Variants in CSMD2 observed in about 807,000 individuals in gnomAD.
CSMD2 encodes the protein CUB and Sushi multiple domains 2.
CSMD2 carries 130 observed loss-of-function variants against 398.5 expected under a neutral mutation model. That is an observed-to-expected ratio of 0.33 (90% CI 0.28 to 0.38). The LOEUF (loss-of-function observed/expected upper bound fraction) is 0.38. Among genes scored for constraint, CSMD2 ranks in the 10% least tolerant of loss-of-function variants. The probability of loss-of-function intolerance (pLI) is 1.00; values close to 1 mark genes in which losing one functional copy is unlikely to be tolerated. For missense variants in CSMD2, 3,829 were observed against 4,764.9 expected, an observed-to-expected ratio of 0.80 and a Z score of 5.78; for synonymous variants, 1,828 against 1,908.5, an observed-to-expected ratio of 0.96 and a Z score of 1.10.
upstream of CSMD2, chr1:34,165,249 G>A: frequency 1.7e-6 from 2 of 1,182,236 alleles, no homozygotes; most frequent in Non-Finnish European, 2.1e-6. Context: ...TGTCCGCCCG[G>A]CCGGGGAGAG....
chr1:33,541,058 G>A, intron 59 of CSMD2, 72 bp downstream of exon 59: 1 of 1,479,996 alleles, frequency 6.8e-7, no homozygotes, highest in Non-Finnish European at 9.3e-7. Flanking sequence ...CTTCTAGAGA[G>A]ATGCTCAGGG....
intron 1 of CSMD2, among the ~76,000 whole-genome samples, chr1:34,129,014 CA>C (rs1663050462): frequency 2.9e-5 from 4 of 138,470 alleles, no homozygotes; most frequent in Non-Finnish European, 4.8e-5. Context: ...CCCCCCCCCA[CA>C]CACACACACA....
rs1641617566 is a variant in CSMD2, at chr1:33,619,446, G to A, written c.5828-1829C>T. Among the ~76,000 whole-genome samples, 9 of 152,208 alleles carry A rather than the reference G, an allele frequency of 5.9e-5. No individual in the cohort carries two copies. The South Asian group carries it at 1.9e-3, about 31-fold the overall frequency. Reference sequence around the variant, plus strand: ...ATCAGCCACCAACCCATCTTCCCAGGCAGCAGCTAATGAGTCCTCATGCCA... The same window carrying A: ...ATCAGCCACCAACCCATCTTCCCAGACAGCAGCTAATGAGTCCTCATGCCA... On this transcript the variant is annotated intron_variant, in intron 37 of 70. Transcript: ENST00000373381.
intron 56 of CSMD2, among the ~76,000 whole-genome samples, chr1:33,546,740 T>C (rs75026632): frequency 6.6e-6 from 1 of 151,966 alleles, no homozygotes; most frequent in Non-Finnish European, 1.5e-5. Flanking sequence ...TTTTTTTTTT[T>C]CAAAAAATTT....
chr1:33,537,417 G>A lies in CSMD2; in HGVS notation c.9805+19C>T, dbSNP rs1196128618. 4 of 1,597,092 alleles carry A rather than the reference G, an allele frequency of 2.5e-6. No individual in the cohort carries two copies. The highest frequency in any genetic ancestry group is 3.4e-6 in the Non-Finnish European group (4 of 1,170,428). On this transcript the variant is annotated intron_variant, in intron 61 of 70. Coordinates refer to ENST00000373381, the MANE Select transcript of CSMD2 (RefSeq NM_001281956.2). This position sits in a 1 kb window ranked among gnomAD's most constrained non-coding sequence, Gnocchi z 4.6. Reference sequence around the variant, plus strand: ...CGCAACCCCAGCCAAGACGCTCCCTGCTCCAGATGACCTCTCACCTATGCA... The same window carrying A: ...CGCAACCCCAGCCAAGACGCTCCCTACTCCAGATGACCTCTCACCTATGCA...
At chr1:34,128,044 G>C (rs915251050) in intron 1 of CSMD2, among the ~76,000 whole-genome samples, 1 of 152,110 alleles carries the variant, frequency 6.6e-6, no homozygotes, top group Non-Finnish European at 1.5e-5. Context: ...TTCCTTGTGG[G>C]AAGTGGCCTC....
At chr1:33,941,921 G>A (rs1435998079) in intron 3 of CSMD2, among the ~76,000 whole-genome samples, 1 of 151,666 alleles carries the variant, frequency 6.6e-6, no homozygotes, top group Non-Finnish European at 1.5e-5. Flanking sequence ...ATGTATTTTT[G>A]CTTGATACAT....
At chr1:33,931,674 C>T (rs1406289326) in intron 4 of CSMD2, among the ~76,000 whole-genome samples, 1 of 152,156 alleles carries the variant, frequency 6.6e-6, no homozygotes, top group Admixed American at 6.5e-5. Context: ...TCTGGTGTGG[C>T]TAAAGTGGAA....
intron 42 of CSMD2, among the ~76,000 whole-genome samples, 191 bp downstream of exon 42, chr1:33,605,091 G>A (rs542165214): frequency 3.3e-5 from 5 of 152,176 alleles, no homozygotes; most frequent in African/African-American, 1.2e-4. Flanking sequence ...GTGCTGGCCC[G>A]GAGCCCTGTC....
intron 2 of CSMD2, among the ~76,000 whole-genome samples, chr1:34,074,113 C>T (rs1656049235): frequency 6.6e-6 from 1 of 152,232 alleles, no homozygotes; most frequent in Non-Finnish European, 1.5e-5. Context: ...GATCCAATTA[C>T]TACCCACCAG....
intron 5 of CSMD2, among the ~76,000 whole-genome samples, chr1:33,912,603 G>T (rs1210277286): frequency 1.3e-5 from 2 of 152,072 alleles, no homozygotes; most frequent in African/African-American, 4.8e-5. Context: ...TCCAGAGAGA[G>T]CGAGGGGGCA....
chr1:33,620,355 G>A (rs1471425507), intron 37 of CSMD2, among the ~76,000 whole-genome samples: 1 of 152,108 alleles, frequency 6.6e-6, no homozygotes, highest in Non-Finnish European at 1.5e-5. Context: ...TATAACTACA[G>A]GGCCCTGGCT....
intron 1 of CSMD2, among the ~76,000 whole-genome samples, chr1:34,097,345 G>A (rs1188282486): frequency 7.3e-6 from 1 of 137,832 alleles, no homozygotes; most frequent in Non-Finnish European, 1.6e-5. Context: ...TCAGGACATA[G>A]GCATGGGCAA....
At chr1:34,086,877 G>C (rs867687229) in intron 2 of CSMD2, among the ~76,000 whole-genome samples, 1 of 152,024 alleles carries the variant, frequency 6.6e-6, no homozygotes, top group Non-Finnish European at 1.5e-5. Context: ...ACCACCTTCT[G>C]CCACCTCCCA....
intron 3 of CSMD2, among the ~76,000 whole-genome samples, chr1:33,957,515 A>G (rs1645206924): frequency 6.6e-6 from 1 of 152,184 alleles, no homozygotes; most frequent in Admixed American, 6.5e-5. Context: ...GTGTCATCAA[A>G]GGAGCTGGAA....
intron 2 of CSMD2, among the ~76,000 whole-genome samples, chr1:34,078,970 C>T (rs1408363584): frequency 6.6e-6 from 1 of 152,208 alleles, no homozygotes; most frequent in Non-Finnish European, 1.5e-5. Context: ...GCATCATACA[C>T]ATCCATGCCA....
intron 1 of CSMD2, among the ~76,000 whole-genome samples, chr1:34,148,034 G>A (rs907509957): frequency 6.6e-5 from 10 of 152,042 alleles, no homozygotes; most frequent in Admixed American, 6.5e-5. Context: ...CACAAGGGCT[G>A]GAGCAAGAGT....
intron 5 of CSMD2, among the ~76,000 whole-genome samples, chr1:33,857,424 C>A (rs1639177705): frequency 6.6e-6 from 1 of 152,062 alleles, no homozygotes; most frequent in African/African-American, 2.4e-5. Context: ...TGTAGCTAAA[C>A]CATAGGAAGA....
chr1:33,797,348 G>C (rs576937664), intron 10 of CSMD2, among the ~76,000 whole-genome samples: 1 of 152,148 alleles, frequency 6.6e-6, no homozygotes, highest in Non-Finnish European at 1.5e-5. Flanking sequence ...TTATTTCTCA[G>C]CCAGCTGACA....
Sources: gnomAD v4.1 joint callset for allele counts (sites outside exome capture counted in the v4.1 genomes callset) on GRCh38, gnomAD v4.1.1 for gene constraint, Gnocchi (gnomAD v3.1) non-coding constraint, MANE v1.5 for transcripts, NCBI Gene and HGNC (gene_info 2026-07-23, HGNC 2026-07-21) for gene names.